Variants in ITGBL1 observed in about 807,000 individuals in gnomAD.
ITGBL1 encodes integrin subunit beta like 1, also known as integrin beta-like protein 1.
ITGBL1 carries 51 observed loss-of-function variants against 68.5 expected under a neutral mutation model. The observed-to-expected ratio is 0.74, with a 90% CI of 0.59 to 0.94. The LOEUF (loss-of-function observed/expected upper bound fraction) is 0.94, where lower values mean the gene tolerates loss of function less well. Ranked by LOEUF, ITGBL1 falls within the 40% of genes least tolerant of loss-of-function variation. ITGBL1 has a pLI of 0.00. For missense variants in ITGBL1, 649 were observed against 647.4 expected, an observed-to-expected ratio of 1.00 and a Z score of -0.03; for synonymous variants, 209 against 227.3, an observed-to-expected ratio of 0.92 and a Z score of 0.72.
intron 2 of ITGBL1, among the ~76,000 whole-genome samples, chr13:101,547,235 C>T (rs575899194): frequency 6.6e-6 from 1 of 151,656 alleles, no homozygotes; most frequent in Non-Finnish European, 1.5e-5. Flanking sequence ...TATATTCCTC[C>T]TTTTTGAATT....
chr13:101,510,624 G>C (rs2049100575), intron 2 of ITGBL1, among the ~76,000 whole-genome samples: 1 of 151,984 alleles, frequency 6.6e-6, no homozygotes, highest in African/African-American at 2.4e-5. Context: ...AACAGTGTAC[G>C]AGTTCTCTTT....
At chr13:101,628,738 C>A (rs67199095) in intron 7 of ITGBL1, among the ~76,000 whole-genome samples, 11,785 of 151,370 alleles carry the variant, frequency 0.078, 727 homozygotes, top group East Asian at 0.17. Context: ...CCACACCCAG[C>A]CCTCTCTTGA....
rs1234588004 is a variant in ITGBL1 at position 101,454,000 on chromosome 13, C to T, written c.216C>T (p.Gly72=). The T allele has an allele frequency of 1.9e-6, 3 of 1,565,872 alleles. No individual in the cohort carries two copies. The highest frequency in any genetic ancestry group is 1.4e-5 in the African/African-American group (1 of 73,254). The stretch of plus-strand genomic sequence containing the variant: ...ACGGCCGGGGCCGCTGCGACTGCGG[C>T]GTCTGCATCTGCCACGTGACTGAGC... ...LCHGRGRCDC[G]VCICHVTEPG... The change falls in exon 2 of 11, where the codon GGC becomes GGT. Residue 72 remains glycine, a synonymous_variant. Transcript: ENST00000376180.
At chr13:101,471,311 C>A (rs1256616071) in intron 2 of ITGBL1, among the ~76,000 whole-genome samples, 1 of 152,146 alleles carries the variant, frequency 6.6e-6, no homozygotes, top group Admixed American at 6.5e-5. Context: ...AAATCCTCAA[C>A]AGCAACTTCT....
At chr13:101,660,105 C>T (rs1424311649) in intron 7 of ITGBL1, among the ~76,000 whole-genome samples, 4 of 152,086 alleles carry the variant, frequency 2.6e-5, no homozygotes, top group Admixed American at 6.6e-5. Context: ...TCTTCCTGCC[C>T]GCTGAACAAA....
At chr13:101,548,237 G>C (rs1261623438) in intron 2 of ITGBL1, among the ~76,000 whole-genome samples, 1 of 151,736 alleles carries the variant, frequency 6.6e-6, no homozygotes, top group African/African-American at 2.4e-5. Context: ...CAAACTCACT[G>C]GATTGCTAAG....
chr13:101,454,213 C>T lies in ITGBL1; in HGVS notation c.316+113C>T, dbSNP rs572293458. ...GACACGCCTCCCTTCACATAAGCAC[C>T]AATTAAGTTACTGCGATTGTCACAC... On this transcript the variant is annotated intron_variant, in intron 2 of 10. Coordinates refer to ENST00000376180, the MANE Select transcript of ITGBL1 (RefSeq NM_004791.3). The T allele has an allele frequency of 2.4e-4, 149 of 610,336 alleles. 1 individual carries two copies. The highest frequency in any genetic ancestry group is 6.3e-4 in the South Asian group (11 of 17,588). 37.8% of individuals were successfully genotyped at this position (610,336 alleles called of 1,614,324 possible). A position where few individuals can be genotyped will look rare whatever the true frequency, so the allele number is the denominator to read the frequency against.
chr13:101,460,011 C>T (rs1339352808), intron 2 of ITGBL1, among the ~76,000 whole-genome samples: 1 of 152,104 alleles, frequency 6.6e-6, no homozygotes, highest in Admixed American at 6.5e-5. Flanking sequence ...CTTTCCCTTC[C>T]AATTGCATTT....
At chr13:101,649,464 A>T (rs1385805891) in intron 7 of ITGBL1, among the ~76,000 whole-genome samples, 3 of 152,304 alleles carry the variant, frequency 2.0e-5, no homozygotes, top group Non-Finnish European at 2.9e-5. Flanking sequence ...ATAAATGATT[A>T]AAGAAATTAA....
Position 101,458,916 on chromosome 13 carries a change from C to T in ITGBL1, c.316+4816C>T, listed in dbSNP as rs141670069. On this transcript the variant is annotated intron_variant, in intron 2 of 10. Coordinates refer to ENST00000376180, the MANE Select transcript of ITGBL1 (RefSeq NM_004791.3). ...AGAGAACCAATGGGGAGGAACTCCA[C>T]GGGAGAGGCAATAAGAACAGAATTA... Among the ~76,000 whole-genome samples the T allele has an allele frequency of 5.8e-3, 875 of 152,150 alleles. 6 individuals are homozygous for T. The highest frequency in any genetic ancestry group is 9.5e-3 in the Non-Finnish European group (643 of 67,994).
chr13:101,475,700 T>C (rs2048526600), intron 2 of ITGBL1, among the ~76,000 whole-genome samples: 1 of 150,718 alleles, frequency 6.6e-6, no homozygotes, highest in Non-Finnish European at 1.5e-5. Context: ...ACAAGTAACA[T>C]TCAAAGGAAC....
Position 101,715,671 on chromosome 13 carries a change from G to T in ITGBL1, c.*17G>T, listed in dbSNP as rs764173744. 5 of 1,540,458 alleles carry T rather than the reference G, an allele frequency of 3.2e-6. 1 individual carries two copies. The highest frequency in any genetic ancestry group is 3.3e-5 in the Admixed American group (2 of 59,876). On this transcript the variant is annotated 3_prime_UTR_variant, in exon 11 of 11. Transcript: ENST00000376180. ...TATCCTTAACAATTACATGAGAGAG[G>T]TCTGGATTCTTATTTTTTCTGGGCC...
chr13:101,663,080 C>T (rs2033127872), intron 7 of ITGBL1, among the ~76,000 whole-genome samples: 1 of 151,940 alleles, frequency 6.6e-6, no homozygotes, highest in African/African-American at 2.4e-5. Flanking sequence ...TGAAGGGAAC[C>T]ACAAGCAGCT....
intron 7 of ITGBL1, among the ~76,000 whole-genome samples, chr13:101,618,947 C>T (rs570289912): frequency 6.6e-6 from 1 of 151,876 alleles, no homozygotes; most frequent in Non-Finnish European, 1.5e-5. Flanking sequence ...GGGATGGTAG[C>T]GTTCTAAATT....
At chr13:101,695,810 G>A (rs1263169510) in intron 8 of ITGBL1, among the ~76,000 whole-genome samples, 3 of 152,182 alleles carry the variant, frequency 2.0e-5, no homozygotes, top group Non-Finnish European at 4.4e-5. Context: ...GCATTGCAGT[G>A]TTAACAAGCA....
At chr13:101,719,199 TG>T (rs2034833494), downstream of ITGBL1, 1 of 152,184 alleles carries the variant, frequency 6.6e-6, no homozygotes, top group African/African-American at 2.4e-5. Flanking sequence ...AATAAGTTTT[TG>T]GTTTTTGCTT....
At chr13:101,629,340 CTTATT>C (rs2031899280) in intron 7 of ITGBL1, among the ~76,000 whole-genome samples, 1 of 152,072 alleles carries the variant, frequency 6.6e-6, no homozygotes, top group Non-Finnish European at 1.5e-5. Context: ...TTCCTGCCAA[CTTATT>C]TTATCCTTTC....
At chr13:101,485,370 G>A (rs1398647763) in intron 2 of ITGBL1, among the ~76,000 whole-genome samples, 1 of 152,066 alleles carries the variant, frequency 6.6e-6, no homozygotes, top group Non-Finnish European at 1.5e-5. Context: ...ATCAAAAAGT[G>A]GGTAAAGGAT....
intron 2 of ITGBL1, among the ~76,000 whole-genome samples, chr13:101,463,473 T>A (rs1364426767): frequency 6.6e-6 from 1 of 152,192 alleles, no homozygotes; most frequent in African/African-American, 2.4e-5. Flanking sequence ...ATCTGTACCC[T>A]GATTTATATG....
Sources: gnomAD v4.1 joint callset for allele counts (sites outside exome capture counted in the v4.1 genomes callset) on GRCh38, gnomAD v4.1.1 for gene constraint, MANE v1.5 for transcripts, NCBI Gene and HGNC (gene_info 2026-07-23, HGNC 2026-07-21) for gene names.